Variants in DROSHA observed in about 807,000 individuals in gnomAD.
DROSHA encodes drosha ribonuclease III, also known as ribonuclease 3.
In DROSHA, 56 loss-of-function variants were observed where a neutral mutation model predicts 181.9. The observed-to-expected ratio is 0.31, with a 90% CI of 0.25 to 0.38. DROSHA has a LOEUF of 0.38. Among genes scored for constraint, DROSHA ranks in the 10% least tolerant of loss-of-function variants. The pLI is 1.00. For synonymous variants in DROSHA, 524 were observed against 591.2 expected (o/e 0.89, Z 1.65); for missense variants, 1,218 against 1,743.5 (o/e 0.70, Z 5.37).
chr5:31,405,259 TG>T (rs1253789762), intron 35 of DROSHA, among the ~76,000 whole-genome samples: 1 of 151,256 alleles, frequency 6.6e-6, no homozygotes, highest in African/African-American at 2.4e-5. Flanking sequence ...TCCCAGCTAC[TG>T]GGGAGGCTGA....
rs1256241060 is a variant in DROSHA at position 31,530,797 on chromosome 5, C to T, written c.-47+1G>A. On this transcript the variant is annotated splice_donor_variant, in intron 3 of 35. Coordinates refer to ENST00000344624, the MANE Select transcript of DROSHA (RefSeq NM_001382508.1). LOFTEE classifies it low-confidence loss of function (5UTR_SPLICE). ...ATACTTAATCCTTTTACAGCACTTA[C>T]CAGAGACTGCCTCATATCATAGTGA... 4 of 398,426 alleles carry T rather than the reference C, an allele frequency of 1.0e-5. No individual in the cohort carries two copies. The highest frequency in any genetic ancestry group is 8.2e-5 in the African/African-American group (4 of 48,600). 24.7% of individuals were successfully genotyped at this position (398,426 alleles called of 1,614,324 possible).
intron 30 of DROSHA, among the ~76,000 whole-genome samples, chr5:31,412,791 G>C (rs774383518): frequency 2.0e-5 from 3 of 152,070 alleles, no homozygotes; most frequent in Non-Finnish European, 4.4e-5. Flanking sequence ...AACCAATAAA[G>C]AGCCCACTAG....
intron 10 of DROSHA, among the ~76,000 whole-genome samples, chr5:31,504,872 G>A (rs1737723715): frequency 6.6e-6 from 1 of 152,186 alleles, no homozygotes; most frequent in Non-Finnish European, 1.5e-5. Context: ...GTGCAGCCAA[G>A]CAGAAAATAT....
intron 11 of DROSHA, among the ~76,000 whole-genome samples, chr5:31,497,393 G>A (rs918636386): frequency 4.6e-5 from 7 of 152,344 alleles, no homozygotes; most frequent in Admixed American, 4.6e-4. Flanking sequence ...AGCAAGGGCT[G>A]GAGACACGCC....
chr5:31,484,323 G>A (rs1326819169), intron 15 of DROSHA, among the ~76,000 whole-genome samples: 7 of 138,834 alleles, frequency 5.0e-5, no homozygotes, highest in Non-Finnish European at 7.5e-5. Flanking sequence ...GCAGTGAGCC[G>A]AGATTGCGCC....
intron 29 of DROSHA, among the ~76,000 whole-genome samples, 158 bp downstream of exon 29, chr5:31,422,629 C>T (rs1742904519): frequency 6.6e-6 from 1 of 152,218 alleles, no homozygotes; most frequent in Non-Finnish European, 1.5e-5. Context: ...AGCATAACCC[C>T]AGGTCCACAC....
chr5:31,501,359 C>G (rs374504861), intron 11 of DROSHA, among the ~76,000 whole-genome samples: 1 of 152,122 alleles, frequency 6.6e-6, no homozygotes, highest in Non-Finnish European at 1.5e-5. Context: ...TGAATGTACA[C>G]TAGAATTGAC....
At chr5:31,424,058 G>T (rs1180862093) in intron 28 of DROSHA, among the ~76,000 whole-genome samples, 1 of 152,124 alleles carries the variant, frequency 6.6e-6, no homozygotes, top group African/African-American at 2.4e-5. Flanking sequence ...GCTCAGACTC[G>T]CTTCCATACT....
intron 11 of DROSHA, among the ~76,000 whole-genome samples, chr5:31,498,298 C>T (rs1407644007): frequency 6.6e-6 from 1 of 152,038 alleles, no homozygotes; most frequent in Admixed American, 6.5e-5. Context: ...GGGGTTCAGA[C>T]TACAAGATTT....
intron 11 of DROSHA, among the ~76,000 whole-genome samples, chr5:31,501,828 T>C (rs542131109): frequency 2.0e-5 from 3 of 152,208 alleles, no homozygotes; most frequent in Non-Finnish European, 4.4e-5. Flanking sequence ...CCACTCATAA[T>C]ACCAAAGAGC....
At chr5:31,480,352 C>T (rs764224403) in intron 16 of DROSHA, among the ~76,000 whole-genome samples, 9 of 151,444 alleles carry the variant, frequency 5.9e-5, no homozygotes, top group Non-Finnish European at 8.8e-5. Flanking sequence ...AAGACAGAAG[C>T]AAAACAGAAT....
rs917857113 is a variant in DROSHA at position 31,526,541 on chromosome 5, G to C, written c.392C>G (p.Pro131Arg). Residue 131 changes from proline to arginine, a missense_variant, in exon 5 of 36, where the codon CCA becomes CGA. This residue lies in a region of DROSHA where 536 missense variants were observed against 535.4 expected (regional missense o/e 1.00). Transcript: ENST00000344624. ...PPPMPCPNNP[P>R]VPGAPPGQGT... ...TTGTCCAGGAGGTGCCCCAGGGACT[G>C]GGGGGTTATTAGGACAAGGCATTGG... The C allele has an allele frequency of 1.9e-6, 3 of 1,554,964 alleles. No homozygotes were observed. Among genetic ancestry groups the C allele is most frequent in the African/African-American group, 1.4e-5 (1 of 73,114 alleles).
At position 31,471,702 on chromosome 5, in the gene DROSHA, C is replaced by T. The variant is rs115366556; in HGVS notation, c.2241+361G>A. 7.7e-3 allele frequency among the ~76,000 whole-genome samples: 1,167 copies of T among 152,154 alleles called. 18 individuals carry two copies. The highest frequency in any genetic ancestry group is 0.027 in the African/African-American group (1,113 of 41,520). ...CAAAACTGAACTAAGACATTTCCCGCCCCCCAACTCTCATCAAATTCCCTT... is the reference window on the plus strand; with the variant it reads ...CAAAACTGAACTAAGACATTTCCCGTCCCCCAACTCTCATCAAATTCCCTT... On this transcript the variant is annotated intron_variant, in intron 17 of 35. Transcript: ENST00000344624.
intron 17 of DROSHA, among the ~76,000 whole-genome samples, chr5:31,468,300 A>T (rs1399438064): frequency 6.6e-6 from 1 of 152,212 alleles, no homozygotes; most frequent in Non-Finnish European, 1.5e-5. Context: ...CCTTTTTTGC[A>T]GTCCACATAG....
At chr5:31,415,352 A>C (rs1177958539) in intron 30 of DROSHA, among the ~76,000 whole-genome samples, 5 of 152,236 alleles carry the variant, frequency 3.3e-5, no homozygotes, top group Non-Finnish European at 7.3e-5. Context: ...AGTGGTCGCC[A>C]GATGGTCTCC....
At chr5:31,410,723 A>G in intron 31 of DROSHA, 23 bp downstream of exon 31, 1 of 1,607,028 alleles carries the variant, frequency 6.2e-7, no homozygotes, top group South Asian at 1.1e-5. Context: ...CTGGAGGTTG[A>G]GAGAAAAGTG....
intron 16 of DROSHA, among the ~76,000 whole-genome samples, chr5:31,482,865 G>C (rs1751194131): frequency 6.6e-6 from 1 of 150,812 alleles, no homozygotes; most frequent in African/African-American, 2.4e-5. Context: ...TGTTGCTCAA[G>C]CTGGTCTCAA....
intron 24 of DROSHA, among the ~76,000 whole-genome samples, chr5:31,436,640 G>A (rs906382271): frequency 4.6e-5 from 7 of 151,986 alleles, no homozygotes; most frequent in South Asian, 2.1e-4. Context: ...TGATCCACCC[G>A]CCTTGGCCTC....
At chr5:31,485,635 T>TAAAAAAAA (rs10523474) in intron 14 of DROSHA, among the ~76,000 whole-genome samples, 2 of 136,028 alleles carry the variant, frequency 1.5e-5, no homozygotes, top group East Asian at 2.2e-4. Flanking sequence ...AAAAGGAAGT[T>TAAAAAAAA]AAAAAAAAAA....
Sources: gnomAD v4.1 joint callset for allele counts (sites outside exome capture counted in the v4.1 genomes callset) on GRCh38, gnomAD v4.1.1 for gene constraint, gnomAD v4.1.1 regional missense constraint, MANE v1.5 for transcripts, NCBI Gene and HGNC (gene_info 2026-07-23, HGNC 2026-07-21) for gene names.